ERP44: variants seen among roughly 807,000 people sequenced by gnomAD.
The protein encoded by ERP44 is endoplasmic reticulum resident protein 44.
A neutral mutation model predicts 53.4 loss-of-function variants in ERP44; 25 were observed. That is an observed-to-expected ratio of 0.47 (90% CI 0.34 to 0.65). The LOEUF (loss-of-function observed/expected upper bound fraction) is 0.65. Ranked by LOEUF, ERP44 falls within the 30% of genes least tolerant of loss-of-function variation. The probability of loss-of-function intolerance (pLI) is 0.01; values close to 1 mark genes in which losing one functional copy is unlikely to be tolerated. For synonymous variants in ERP44, 145 were observed against 161.2 expected (o/e 0.90, Z 0.76); for missense variants, 338 against 493.2 (o/e 0.69, Z 2.98).
At chr9:100,019,577 G>T (rs913019440) in intron 6 of ERP44, among the ~76,000 whole-genome samples, 1 of 151,762 alleles carries the variant, frequency 6.6e-6, no homozygotes, top group East Asian at 1.9e-4. Flanking sequence ...ATACTGCATG[G>T]AAGTCAAAGG....
chr9:100,065,438 T>G (rs1826200826), intron 1 of ERP44, among the ~76,000 whole-genome samples: 1 of 152,156 alleles, frequency 6.6e-6, no homozygotes, highest in Admixed American at 6.5e-5. Flanking sequence ...CATGCGTGAC[T>G]GTACTATATA....
At chr9:100,039,752 T>G (rs1343473995) in intron 4 of ERP44, among the ~76,000 whole-genome samples, 1 of 151,604 alleles carries the variant, frequency 6.6e-6, no homozygotes, top group Non-Finnish European at 1.5e-5. Context: ...TTTTGGTAAG[T>G]TTTACAAAAT....
chr9:100,062,242 T>A (rs1459144013), intron 1 of ERP44, among the ~76,000 whole-genome samples: 2 of 152,220 alleles, frequency 1.3e-5, no homozygotes, highest in Admixed American at 6.5e-5. Context: ...AAGGCTCCCA[T>A]GTCATGTAAA....
intron 10 of ERP44, chr9:99,998,541 G>A (rs1020678961): frequency 2.8e-6 from 2 of 722,578 alleles, no homozygotes; most frequent in Non-Finnish European, 5.1e-6. Context: ...TAATCTTCAC[G>A]CCTTCTGGAA....
intron 8 of ERP44, among the ~76,000 whole-genome samples, chr9:100,013,834 C>T (rs1830500962): frequency 6.6e-6 from 1 of 152,056 alleles, no homozygotes; most frequent in African/African-American, 2.4e-5. Context: ...TCACCAAAGA[C>T]ATAGATAAAG....
chr9:99,996,512 C>G (rs1457136086), intron 10 of ERP44, among the ~76,000 whole-genome samples: 4 of 143,358 alleles, frequency 2.8e-5, no homozygotes, highest in Non-Finnish European at 6.0e-5. Context: ...TATAGCAAGA[C>G]AAAACAAAGA....
At chr9:100,040,526 A>C (rs1230637330) in intron 4 of ERP44, among the ~76,000 whole-genome samples, 3 of 152,188 alleles carry the variant, frequency 2.0e-5, no homozygotes, top group Non-Finnish European at 4.4e-5. Flanking sequence ...CAACTTAATG[A>C]AGACAATGTA....
chr9:99,983,751 A>G (rs1303876194), intron 11 of ERP44, among the ~76,000 whole-genome samples: 1 of 152,144 alleles, frequency 6.6e-6, no homozygotes, highest in East Asian at 1.9e-4. Flanking sequence ...CAAACTTATC[A>G]TTTGACTTTA....
intron 3 of ERP44, among the ~76,000 whole-genome samples, chr9:100,053,639 A>G (rs1826059691): frequency 1.3e-5 from 2 of 152,210 alleles, no homozygotes; most frequent in Admixed American, 1.3e-4. Flanking sequence ...AGGTATCTAA[A>G]CACAGAAAAG....
chr9:99,991,169 A>G (rs942980450), intron 10 of ERP44, among the ~76,000 whole-genome samples: 4 of 152,194 alleles, frequency 2.6e-5, no homozygotes, highest in African/African-American at 9.7e-5. Flanking sequence ...AGCTGACCTA[A>G]TAGACATCTA....
intron 1 of ERP44, among the ~76,000 whole-genome samples, chr9:100,070,917 A>G (rs1826294889): frequency 6.6e-6 from 1 of 152,136 alleles, no homozygotes. Flanking sequence ...GAGATAAAGG[A>G]GGAACAGAGA....
chr9:100,023,574 G>A (rs1189547300), intron 4 of ERP44, among the ~76,000 whole-genome samples: 2 of 151,664 alleles, frequency 1.3e-5, no homozygotes, highest in Non-Finnish European at 2.9e-5. Context: ...GACAACAGGT[G>A]TGTGCCACCA....
At chr9:99,992,531 CT>C (rs1554705762) in intron 10 of ERP44, among the ~76,000 whole-genome samples, 1 of 152,144 alleles carries the variant, frequency 6.6e-6, no homozygotes, top group Non-Finnish European at 1.5e-5. Context: ...ATAATAAGAG[CT>C]ATTTATGACA....
At chr9:99,999,202 C>T (rs923118650) in intron 10 of ERP44, 21 of 464,616 alleles carry the variant, frequency 4.5e-5, no homozygotes, top group Non-Finnish European at 6.5e-5. Context: ...CGCTCAAGGC[C>T]GTCCTCTCGA....
At position 99,979,532 on chromosome 9, in the gene ERP44, T is replaced by C. The variant is rs1289743072; in HGVS notation, c.*3080A>G. 1.3e-5 allele frequency: 2 copies of C among 155,002 alleles called. No homozygotes were observed. The highest frequency in any genetic ancestry group is 2.1e-4 in the South Asian group (1 of 4,854). The allele number at this position is 155,002 out of a possible 1,614,324, so 9.6% of individuals were successfully genotyped here. ...CCTTAGATGCCCATTCTCTATCTTA[T>C]TGGCTAGGTTCTTTTAATTTAAAGA... On this transcript the variant is annotated 3_prime_UTR_variant, in exon 12 of 12. Transcript: ENST00000262455.
At chr9:100,093,601 C>T (rs1433982225) in intron 1 of ERP44, among the ~76,000 whole-genome samples, 2 of 152,034 alleles carry the variant, frequency 1.3e-5, no homozygotes, top group Non-Finnish European at 2.9e-5. Flanking sequence ...CAAGATCAGG[C>T]CACTGCACTC....
rs1230265688 is a variant in ERP44 at position 99,980,056 on chromosome 9, A to C, written c.*2556T>G. The C allele has an allele frequency of 5.0e-6, 2 of 398,416 alleles. No homozygotes were observed. The highest frequency in any genetic ancestry group is 8.8e-5 in the Admixed American group (2 of 22,706). 24.7% of individuals were successfully genotyped at this position (398,416 alleles called of 1,614,324 possible). A position where few individuals can be genotyped will look rare whatever the true frequency, so the allele number is the denominator to read the frequency against. ...TAGGCTGTTTCATACCTTTGCTCAG[A>C]TTATTCCCTCTCAGCCAGATCCCTA... On this transcript the variant is annotated 3_prime_UTR_variant, in exon 12 of 12. Coordinates refer to ENST00000262455, the MANE Select transcript of ERP44 (RefSeq NM_015051.3).
chr9:100,073,809 C>T (rs1340188550), intron 1 of ERP44, among the ~76,000 whole-genome samples: 3 of 152,146 alleles, frequency 2.0e-5, no homozygotes, highest in Non-Finnish European at 2.9e-5. Flanking sequence ...TTTTTATGAC[C>T]ATGATCCACA....
rs576008947 is a variant in ERP44, at chr9:100,047,635, G to A, written c.286+4782C>T. The stretch of plus-strand genomic sequence containing the variant: ...TCTAAACACTCTAAAACTCTTAGAA[G>A]AAAACATAGGAGAGTAAAGCTTCAT... On this transcript the variant is annotated intron_variant, in intron 4 of 11. Transcript: ENST00000262455. 2.6e-5 allele frequency among the ~76,000 whole-genome samples: 4 copies of A among 152,252 alleles called. No individual in the cohort carries two copies. In the South Asian group the frequency reaches 8.3e-4, roughly 32 times the overall value.
Sources: gnomAD v4.1 joint callset for allele counts (sites outside exome capture counted in the v4.1 genomes callset) on GRCh38, gnomAD v4.1.1 for gene constraint, MANE v1.5 for transcripts, NCBI Gene and HGNC (gene_info 2026-07-23, HGNC 2026-07-21) for gene names.